MAP3K13: variants seen among roughly 807,000 people sequenced by gnomAD.
The protein encoded by MAP3K13 is mitogen-activated protein kinase kinase kinase 13.
MAP3K13 carries 52 observed loss-of-function variants against 104.0 expected under a neutral mutation model. The observed-to-expected ratio is 0.50, with a 90% CI of 0.40 to 0.63. The LOEUF is 0.63. Ranked by LOEUF, MAP3K13 falls within the 20% of genes least tolerant of loss-of-function variation. The pLI is 0.00. For missense variants in MAP3K13, 914 were observed against 1,218.5 expected (o/e 0.75, Z 3.72); for synonymous variants, 394 against 442.2 (o/e 0.89, Z 1.37).
At chr3:185,307,547 T>TCCCCAC (rs1721334111) in intron 2 of MAP3K13, among the ~76,000 whole-genome samples, 1 of 110,230 alleles carries the variant, frequency 9.1e-6, no homozygotes. Context: ...CACCACCCCC[T>TCCCCAC]CCCCCGCCAC....
At chr3:185,363,437 G>A (rs1451279129) in intron 1 of MAP3K13, 69 bp downstream of exon 1, 1 of 780,568 alleles carries the variant, frequency 1.3e-6, no homozygotes, top group Non-Finnish European at 1.6e-6. Context: ...GAGAATGTGT[G>A]ATTTGAGGTG....
Position 185,455,247 on chromosome 3 carries a change from ATATATAT to A in MAP3K13, c.1278+3853_1278+3859del, listed in dbSNP as rs1301845790. The stretch of plus-strand genomic sequence containing the variant: ...ATGATATATATGAGATATATATATG[ATATATAT>A]GAGATATATGAGATATATATGAGAT... On this transcript the variant is annotated intron_variant, in intron 7 of 13. Coordinates refer to ENST00000265026, the MANE Select transcript of MAP3K13 (RefSeq NM_004721.5). Among the ~76,000 whole-genome samples the A allele has an allele frequency of 2.4e-3, 156 of 65,518 alleles. 2 individuals are homozygous for A. Among genetic ancestry groups the A allele is most frequent in the East Asian group, 8.9e-3 (23 of 2,580 alleles). 43.0% of individuals were successfully genotyped at this position (65,518 alleles called of 152,430 possible). A position where few individuals can be genotyped will look rare whatever the true frequency, so the allele number is the denominator to read the frequency against.
chr3:185,361,288 GA>G (rs905262247), upstream of MAP3K13, among the ~76,000 whole-genome samples: 1 of 151,372 alleles, frequency 6.6e-6, no homozygotes, highest in South Asian at 2.1e-4. Context: ...TGTTTTGGAA[GA>G]AAAAAATGTT....
chr3:185,421,150 T>C (rs1714099187), intron 1 of MAP3K13, among the ~76,000 whole-genome samples: 1 of 152,012 alleles, frequency 6.6e-6, no homozygotes, highest in South Asian at 2.1e-4. Context: ...TTCTTTTTTC[T>C]TTTCTTTTCT....
At chr3:185,321,752 C>G (rs566695547) in intron 2 of MAP3K13, among the ~76,000 whole-genome samples, 34 of 152,170 alleles carry the variant, frequency 2.2e-4, no homozygotes, top group East Asian at 7.7e-4. Context: ...TACAGGCATG[C>G]GCCACCATGC....
intron 1 of MAP3K13, among the ~76,000 whole-genome samples, chr3:185,367,871 C>T (rs978378101): frequency 6.6e-6 from 1 of 152,214 alleles, no homozygotes; most frequent in Non-Finnish European, 1.5e-5. Context: ...GTTGTAATTA[C>T]AGACGTGAGC....
At chr3:185,325,059 C>T (rs1013878886) in intron 2 of MAP3K13, among the ~76,000 whole-genome samples, 2 of 152,188 alleles carry the variant, frequency 1.3e-5, no homozygotes, top group Non-Finnish European at 2.9e-5. Flanking sequence ...GAACTCTATT[C>T]TCAATCTTGA....
intron 2 of MAP3K13, among the ~76,000 whole-genome samples, chr3:185,307,621 G>A (rs1048982484): frequency 1.7e-4 from 22 of 130,924 alleles, no homozygotes; most frequent in Non-Finnish European, 2.3e-4. Context: ...TCGGCTCCCT[G>A]CAACCTCCGC....
At chr3:185,419,976 T>C (rs999228943) in intron 1 of MAP3K13, among the ~76,000 whole-genome samples, 2 of 152,202 alleles carry the variant, frequency 1.3e-5, no homozygotes, top group Non-Finnish European at 2.9e-5. Context: ...CATTTATAGG[T>C]ACTGGTATTC....
chr3:185,384,707 T>C (rs1231444864), intron 1 of MAP3K13, among the ~76,000 whole-genome samples: 1 of 152,232 alleles, frequency 6.6e-6, no homozygotes, highest in Non-Finnish European at 1.5e-5. Flanking sequence ...TAGTTAGTGA[T>C]GCTGAGCATC....
chr3:185,323,269 T>C (rs140190436), intron 2 of MAP3K13, among the ~76,000 whole-genome samples: 93 of 152,304 alleles, frequency 6.1e-4, no homozygotes, highest in Non-Finnish European at 1.1e-3. Context: ...TCACCAGTTT[T>C]TCCATGACTG....
intron 2 of MAP3K13, among the ~76,000 whole-genome samples, chr3:185,349,973 G>A (rs911024204): frequency 1.3e-5 from 2 of 152,168 alleles, no homozygotes; most frequent in African/African-American, 4.8e-5. Flanking sequence ...AGACCCTGGG[G>A]CCAAAGCCTT....
In MAP3K13 at chr3:185,392,866, T is replaced by A. The variant is rs960472395; in HGVS notation, c.-86+29498T>A. Among the ~76,000 whole-genome samples, 3 of 152,030 alleles carry A rather than the reference T, an allele frequency of 2.0e-5. No individual in the cohort carries two copies. The South Asian group carries it at 6.2e-4, about 32-fold the overall frequency. On this transcript the variant is annotated intron_variant, in intron 1 of 13. Coordinates refer to ENST00000265026, the MANE Select transcript of MAP3K13 (RefSeq NM_004721.5). The stretch of plus-strand genomic sequence containing the variant: ...GAGTTCGAGACCACCCTGGCCAACA[T>A]GATGAAACCCTGTCTCTATAAAAAA...
At chr3:185,426,092 T>TCTTCTG (rs1033194572) in intron 1 of MAP3K13, among the ~76,000 whole-genome samples, 4 of 152,138 alleles carry the variant, frequency 2.6e-5, no homozygotes, top group African/African-American at 9.6e-5. Flanking sequence ...TTCTTCTTCT[T>TCTTCTG]CTTCTTCTGA....
intron 2 of MAP3K13, among the ~76,000 whole-genome samples, chr3:185,302,113 A>G (rs894395980): frequency 6.6e-6 from 1 of 152,194 alleles, no homozygotes; most frequent in African/African-American, 2.4e-5. Context: ...CATTTTAATA[A>G]TAAGTCTTGC....
chr3:185,455,391 TC>T (rs1560119401), intron 7 of MAP3K13, among the ~76,000 whole-genome samples: 16 of 27,872 alleles, frequency 5.7e-4, no homozygotes, highest in African/African-American at 1.2e-3. Context: ...GATATATATA[TC>T]ATATATGAGA....
Position 185,463,642 on chromosome 3 carries a change from G to A in MAP3K13, c.1371G>A (p.Arg457=). ...IHRLDEELIR[R]RREELRHALD... is the part of the protein sequence containing the mutation. ...GGTTAGATGAAGAACTGATTCGAAG[G>A]CGCAGAGAAGAGCTCAGGTCAGCTC... is the stretch of plus-strand genomic sequence containing the variant. Residue 457 remains arginine, a synonymous_variant, in exon 8 of 14, where the codon AGG becomes AGA. Coordinates refer to ENST00000265026, the MANE Select transcript of MAP3K13 (RefSeq NM_004721.5). 1 of 1,611,062 alleles carries A rather than the reference G, an allele frequency of 6.2e-7. No homozygotes were observed. The highest frequency in any genetic ancestry group is 1.1e-5 in the South Asian group (1 of 90,870).
intron 2 of MAP3K13, among the ~76,000 whole-genome samples, chr3:185,345,654 G>A (rs1190339535): frequency 1.3e-5 from 2 of 152,266 alleles, no homozygotes; most frequent in East Asian, 3.9e-4. Flanking sequence ...CTGATGATCT[G>A]TCATTGTCTC....
intron 1 of MAP3K13, among the ~76,000 whole-genome samples, chr3:185,381,276 C>A (rs1411812237): frequency 6.6e-6 from 1 of 152,102 alleles, no homozygotes; most frequent in Non-Finnish European, 1.5e-5. Context: ...GGAAGAGTTT[C>A]ATGCATAGAG....
Sources: gnomAD v4.1 joint callset for allele counts (sites outside exome capture counted in the v4.1 genomes callset) on GRCh38, gnomAD v4.1.1 for gene constraint, MANE v1.5 for transcripts, NCBI Gene and HGNC (gene_info 2026-07-23, HGNC 2026-07-21) for gene names.